The following GRID1 variants were observed in gnomAD, a reference collection of about 807,000 sequenced individuals.
The protein encoded by GRID1 is glutamate ionotropic receptor delta type subunit 1.
Under a neutral mutation model 98.0 loss-of-function variants are expected in GRID1, and 28 were observed. That is an observed-to-expected ratio of 0.29 (90% CI 0.21 to 0.39). The LOEUF is 0.39. GRID1 is among the 10% of genes least tolerant of loss of function. GRID1 has a pLI of 1.00. For missense variants in GRID1, 1,111 were observed against 1,340.5 expected (o/e 0.83, Z 2.67); for synonymous variants, 553 against 538.5 (o/e 1.03, Z -0.37).
chr10:85,823,571 A>G (rs1842792394), intron 8 of GRID1, among the ~76,000 whole-genome samples: 1 of 152,102 alleles, frequency 6.6e-6, no homozygotes, highest in African/African-American at 2.4e-5. Flanking sequence ...ACCAAAAGCA[A>G]TATAAGATTA....
At chr10:86,244,050 A>T (rs931851640) in intron 2 of GRID1, among the ~76,000 whole-genome samples, 2 of 152,222 alleles carry the variant, frequency 1.3e-5, no homozygotes, top group African/African-American at 4.8e-5. Context: ...GTATACACAT[A>T]TACACAGGCA....
At chr10:86,248,239 C>G (rs1846762650) in intron 2 of GRID1, among the ~76,000 whole-genome samples, 1 of 152,214 alleles carries the variant, frequency 6.6e-6, no homozygotes, top group Non-Finnish European at 1.5e-5. Flanking sequence ...GTCACCTTCA[C>G]CCACCTTCAC....
At chr10:85,843,272 A>G (rs76287921) in intron 8 of GRID1, among the ~76,000 whole-genome samples, 92 of 152,184 alleles carry the variant, frequency 6.0e-4, no homozygotes, top group African/African-American at 2.2e-3. Flanking sequence ...TAAACTTCAC[A>G]ATGTCTAAAA....
intron 12 of GRID1, among the ~76,000 whole-genome samples, chr10:85,681,637 A>G (rs1425718535): frequency 6.6e-6 from 1 of 152,084 alleles, no homozygotes; most frequent in African/African-American, 2.4e-5. Context: ...CACCTTCTTC[A>G]CAGCCCAGCC....
chr10:86,008,295 A>ATAGCCC (rs759336344), intron 4 of GRID1, among the ~76,000 whole-genome samples: 20 of 152,282 alleles, frequency 1.3e-4, no homozygotes, highest in Non-Finnish European at 2.5e-4. Flanking sequence ...AAGGAGGGTT[A>ATAGCCC]TAGCCCTCTT....
chr10:86,236,134 A>C (rs149629511), intron 2 of GRID1, among the ~76,000 whole-genome samples: 3 of 152,314 alleles, frequency 2.0e-5, no homozygotes, highest in African/African-American at 7.2e-5. Flanking sequence ...CATGTCCCTA[A>C]AGACTAACAT....
In GRID1 at chr10:85,602,384, C is replaced by G; in HGVS notation, c.2919G>C (p.Gly973=). The change falls in exon 16 of 16, where the codon GGG becomes GGC. Residue 973 remains glycine, a synonymous_variant. Coordinates refer to ENST00000327946, the MANE Select transcript of GRID1 (RefSeq NM_017551.3). Reference sequence around the variant, plus strand: ...TCACCGGGCTCTGCCGGAACAGCCCCCCGTTGGGTGACCTGTGTTTGCACT... The same window carrying G: ...TCACCGGGCTCTGCCGGAACAGCCCGCCGTTGGGTGACCTGTGTTTGCACT... ...SMQCKHRSPN[G]GLFRQSPVKT... 1.2e-6 allele frequency: 2 copies of G among 1,609,346 alleles called. No homozygotes were observed. The highest frequency in any genetic ancestry group is 1.7e-6 in the Non-Finnish European group (2 of 1,176,320).
At chr10:85,745,880 A>G (rs1841992070) in intron 8 of GRID1, among the ~76,000 whole-genome samples, 1 of 152,178 alleles carries the variant, frequency 6.6e-6, no homozygotes, top group African/African-American at 2.4e-5. Flanking sequence ...CTCAAAAAGT[A>G]AGGATGATTT....
chr10:86,051,127 A>G (rs1589352098), intron 4 of GRID1, among the ~76,000 whole-genome samples: 1 of 151,372 alleles, frequency 6.6e-6, no homozygotes, highest in East Asian at 1.9e-4. Flanking sequence ...GAATAAAGCT[A>G]CAATAATTAA....
At chr10:85,626,513 G>C (rs1045580628) in intron 13 of GRID1, among the ~76,000 whole-genome samples, 5 of 152,226 alleles carry the variant, frequency 3.3e-5, no homozygotes, top group African/African-American at 1.2e-4. Flanking sequence ...AACTCTGGAA[G>C]AAGGGAGGAC....
chr10:85,643,253 G>A (rs1036155561), intron 13 of GRID1, among the ~76,000 whole-genome samples: 11 of 152,220 alleles, frequency 7.2e-5, no homozygotes, highest in Non-Finnish European at 1.0e-4. Context: ...GAAGCCCCTC[G>A]GTGGGCTTCT....
At chr10:85,773,879 C>T (rs1196604999) in intron 8 of GRID1, among the ~76,000 whole-genome samples, 1 of 152,114 alleles carries the variant, frequency 6.6e-6, no homozygotes, top group Non-Finnish European at 1.5e-5. Flanking sequence ...GAATCAATAT[C>T]ATGAAAATGG....
intron 2 of GRID1, among the ~76,000 whole-genome samples, chr10:86,304,967 G>A (rs1011120564): frequency 2.6e-5 from 4 of 152,124 alleles, no homozygotes; most frequent in African/African-American, 7.2e-5. Flanking sequence ...GGCTATGGGG[G>A]CCAGTTATTT....
At chr10:85,751,093 G>A (rs1322218080) in intron 8 of GRID1, among the ~76,000 whole-genome samples, 1 of 152,016 alleles carries the variant, frequency 6.6e-6, no homozygotes, top group Admixed American at 6.6e-5. Context: ...ATGAGATGAG[G>A]GAGATTCTAG....
chr10:85,752,005 T>A (rs868512971), intron 8 of GRID1, among the ~76,000 whole-genome samples: 1 of 152,224 alleles, frequency 6.6e-6, no homozygotes, highest in African/African-American at 2.4e-5. Context: ...CTAGTCAGGT[T>A]AGAGCCACAT....
At chr10:85,957,420 T>G (rs1842208970) in intron 4 of GRID1, among the ~76,000 whole-genome samples, 1 of 152,108 alleles carries the variant, frequency 6.6e-6, no homozygotes, top group African/African-American at 2.4e-5. Flanking sequence ...AGAAAGCATT[T>G]AAGTGGCCAG....
intron 8 of GRID1, among the ~76,000 whole-genome samples, chr10:85,848,224 T>C (rs562490970): frequency 1.6e-4 from 25 of 152,266 alleles, no homozygotes; most frequent in African/African-American, 6.0e-4. Flanking sequence ...TTTGAAAATA[T>C]GTATCATGTA....
intron 3 of GRID1, among the ~76,000 whole-genome samples, chr10:86,143,840 G>C (rs374634066): frequency 6.6e-6 from 1 of 152,180 alleles, no homozygotes; most frequent in Admixed American, 6.5e-5. Context: ...GAGGCAGCTC[G>C]GGGTGCATGG....
chr10:85,922,611 T>C (rs1191410108), intron 4 of GRID1, among the ~76,000 whole-genome samples: 1 of 152,180 alleles, frequency 6.6e-6, no homozygotes, highest in Non-Finnish European at 1.5e-5. Flanking sequence ...GAGCTCACGT[T>C]AAAGGCCCAC....
Sources: allele counts gnomAD v4.1 joint callset (sites outside exome capture counted in the v4.1 genomes callset), GRCh38; gene constraint gnomAD v4.1.1; transcripts MANE v1.5; gene names NCBI Gene and HGNC (gene_info 2026-07-23, HGNC 2026-07-21).